The following C2orf76 variants were observed in gnomAD, a reference collection of about 807,000 sequenced individuals.
The protein encoded by C2orf76 is UPF0538 protein C2orf76.
In C2orf76, 23 loss-of-function variants were observed where a neutral mutation model predicts 16.9. That is an observed-to-expected ratio of 1.36 (90% CI 0.98 to 1.93). The LOEUF is 1.93. Among genes scored for constraint, C2orf76 ranks in the 30% most tolerant of loss-of-function variants. The pLI is 0.00. For synonymous variants in C2orf76, 48 were observed against 52.3 expected, an observed-to-expected ratio of 0.92 and a Z score of 0.35; for missense variants, 152 against 152.6, an observed-to-expected ratio of 1.00 and a Z score of 0.02.
At chr2:119,300,940 G>A (rs762035092), downstream of C2orf76, among the ~76,000 whole-genome samples, 3 of 152,102 alleles carry the variant, frequency 2.0e-5, no homozygotes, top group Non-Finnish European at 4.4e-5. Flanking sequence ...GCTTTCTCCT[G>A]AAACCTCAAG....
At position 119,302,417 on chromosome 2, in the gene C2orf76, CA is replaced by C. The variant is rs1199817097; in HGVS notation, c.*54del. 13 of 663,084 alleles carry C rather than the reference CA, an allele frequency of 2.0e-5. No homozygotes were observed. Among genetic ancestry groups the C allele is most frequent in the Non-Finnish European group, 1.3e-5 (5 of 389,426 alleles). 41.1% of individuals were successfully genotyped at this position (663,084 alleles called of 1,614,324 possible). On this transcript the variant is annotated 3_prime_UTR_variant, in exon 6 of 6. Transcript: ENST00000334816. ...TTGTTTGTCAATTTCAAAAATTCAGCAGTGGAATAAAGAGCTTAATACAGGT... is the reference window on the plus strand; with the variant it reads ...TTGTTTGTCAATTTCAAAAATTCAGCGTGGAATAAAGAGCTTAATACAGGT...
At chr2:119,288,158 A>ATT in the C2orf76 span, among the ~76,000 whole-genome samples, 5,289 of 140,198 alleles carry the variant, frequency 0.038, 173 homozygotes, top group South Asian at 0.089. Flanking sequence ...TTATACTTCA[A>ATT]TTTTTTTTTT....
chr2:119,321,632 C>T (rs1679346358), intron 2 of C2orf76, among the ~76,000 whole-genome samples: 1 of 152,104 alleles, frequency 6.6e-6, no homozygotes, highest in African/African-American at 2.4e-5. Context: ...CAGGTCCCTC[C>T]CCTGACAGGT....
intron 1 of C2orf76, chr2:119,366,325 CAAAT>C (rs1680987862): frequency 2.4e-6 from 1 of 423,556 alleles, no homozygotes; most frequent in African/African-American, 2.1e-5. Flanking sequence ...TAAATCAAGA[CAAAT>C]AAGACACCGT....
At chr2:119,300,243 CG>C (rs1678596183), downstream of C2orf76, among the ~76,000 whole-genome samples, 1 of 152,002 alleles carries the variant, frequency 6.6e-6, no homozygotes, top group Non-Finnish European at 1.5e-5. Context: ...ATATTTGCCA[CG>C]GAACGCACGA....
At chr2:119,282,815 G>T in the C2orf76 span, among the ~76,000 whole-genome samples, 1 of 152,180 alleles carries the variant, frequency 6.6e-6, no homozygotes. Flanking sequence ...TAATCCAAAT[G>T]TCATAATACT....
intron 5 of C2orf76, among the ~76,000 whole-genome samples, chr2:119,309,067 T>C (rs1678890675): frequency 6.6e-6 from 1 of 152,174 alleles, no homozygotes; most frequent in Admixed American, 6.5e-5. Flanking sequence ...TGGACTCTGT[T>C]ATTTTCATAG....
chr2:119,349,454 C>A (rs1247628169), intron 1 of C2orf76, among the ~76,000 whole-genome samples: 1 of 152,212 alleles, frequency 6.6e-6, no homozygotes, highest in African/African-American at 2.4e-5. Context: ...CATTCGGAGG[C>A]ACCAGAAGCA....
chr2:119,312,612 A>G (rs1451560010), intron 4 of C2orf76, among the ~76,000 whole-genome samples: 1 of 152,196 alleles, frequency 6.6e-6, no homozygotes, highest in Non-Finnish European at 1.5e-5. Flanking sequence ...GCTAAAAAAC[A>G]TCTGGTTCCA....
At chr2:119,311,808 T>C in intron 4 of C2orf76, 105 bp from the exon 5 acceptor site, 1 of 1,056,270 alleles carries the variant, frequency 9.5e-7, no homozygotes, top group Middle Eastern at 2.1e-4. Flanking sequence ...AGCAATAATC[T>C]AAGTAGATTC....
At chr2:119,353,799 G>T (rs1680482011) in intron 1 of C2orf76, among the ~76,000 whole-genome samples, 1 of 151,996 alleles carries the variant, frequency 6.6e-6, no homozygotes, top group South Asian at 2.1e-4. Flanking sequence ...CTGATCTTAG[G>T]TGATCCGCCC....
intron 3 of C2orf76, among the ~76,000 whole-genome samples, chr2:119,318,746 G>C (rs1382050693): frequency 6.6e-6 from 1 of 151,878 alleles, no homozygotes; most frequent in Non-Finnish European, 1.5e-5. Flanking sequence ...GCTAGGTCTC[G>C]AACTCCTGAC....
At chr2:119,291,504 G>A in the C2orf76 span, among the ~76,000 whole-genome samples, 1 of 151,860 alleles carries the variant, frequency 6.6e-6, no homozygotes, top group Non-Finnish European at 1.5e-5. Flanking sequence ...GATATGTCAG[G>A]GAAACATGTG....
intron 4 of C2orf76, among the ~76,000 whole-genome samples, chr2:119,315,638 A>C (rs773021595): frequency 1.3e-5 from 2 of 152,190 alleles, no homozygotes; most frequent in Non-Finnish European, 2.9e-5. Flanking sequence ...TTGAAGCAGA[A>C]ACTTGCAGAA....
At chr2:119,312,057 G>A (rs1023791623) in intron 4 of C2orf76, among the ~76,000 whole-genome samples, 6 of 152,230 alleles carry the variant, frequency 3.9e-5, no homozygotes, top group Admixed American at 3.3e-4. Context: ...CATCACCTGT[G>A]GTAAGGGTGA....
the C2orf76 span, among the ~76,000 whole-genome samples, chr2:119,295,202 G>A: frequency 1.8e-4 from 27 of 152,140 alleles, no homozygotes; most frequent in African/African-American, 6.3e-4. Context: ...AGGAAGGTTT[G>A]TCTATGTCTA....
intron 1 of C2orf76, among the ~76,000 whole-genome samples, chr2:119,359,485 C>A (rs935785047): frequency 5.3e-5 from 8 of 152,142 alleles, no homozygotes; most frequent in Non-Finnish European, 2.9e-5. Flanking sequence ...AATACGAAAA[C>A]CTTCTGGAAA....
At chr2:119,314,049 G>T (rs1322060356) in intron 4 of C2orf76, among the ~76,000 whole-genome samples, 2 of 128,760 alleles carry the variant, frequency 1.6e-5, no homozygotes, top group African/African-American at 3.0e-5. Context: ...CATAGAAGGT[G>T]TTAAATGAAT....
At chr2:119,315,541 G>A (rs1455312530) in intron 4 of C2orf76, among the ~76,000 whole-genome samples, 1 of 152,164 alleles carries the variant, frequency 6.6e-6, no homozygotes, top group Non-Finnish European at 1.5e-5. Flanking sequence ...AACTGGATAA[G>A]GCACAAATGA....
Sources: allele counts gnomAD v4.1 joint callset (sites outside exome capture counted in the v4.1 genomes callset), GRCh38; gene constraint gnomAD v4.1.1; transcripts MANE v1.5; gene names NCBI Gene and HGNC (gene_info 2026-07-23, HGNC 2026-07-21).